TCF4: variants seen among roughly 807,000 people sequenced by gnomAD.
The protein encoded by TCF4 is transcription factor 4.
Under a neutral mutation model 82.1 loss-of-function variants are expected in TCF4, and 3 were observed. The observed-to-expected ratio is 0.04, with a 90% CI of 0.02 to 0.09. The LOEUF is 0.09. Ranked by LOEUF, TCF4 falls within the 10% of genes least tolerant of loss-of-function variation. The pLI is 1.00. For synonymous variants in TCF4, 276 were observed against 309.6 expected (o/e 0.89, Z 1.14); for missense variants, 518 against 852.7 (o/e 0.61, Z 4.89).
chr18:55,595,688 T>C (rs994720709), intron 2 of TCF4, among the ~76,000 whole-genome samples: 1 of 152,192 alleles, frequency 6.6e-6, no homozygotes, highest in Non-Finnish European at 1.5e-5. Flanking sequence ...CCATGGAATT[T>C]TGGTAATTTA....
chr18:55,618,841 C>A (rs758230586), intron 2 of TCF4, among the ~76,000 whole-genome samples: 2 of 151,978 alleles, frequency 1.3e-5, no homozygotes, highest in African/African-American at 4.8e-5. Context: ...CCTGCCTCAA[C>A]TTCCTAAAGT....
At chr18:55,429,773 A>AAAAAC (rs1343262485) in intron 5 of TCF4, among the ~76,000 whole-genome samples, 4 of 150,230 alleles carry the variant, frequency 2.7e-5, no homozygotes, top group African/African-American at 9.8e-5. Flanking sequence ...TCAAAAAAAA[A>AAAAAC]AAAAAAAAAA....
rs573983142 is a variant in TCF4 at position 55,457,029 on chromosome 18, A to G, written c.304+3990T>C. ...CAACTAAGGCAAAATGCAACCTGGC[A>G]TGTATCTACACAATGAAAGCAACGA... On this transcript the variant is annotated intron_variant, in intron 5 of 19. Coordinates refer to ENST00000354452, the MANE Select transcript of TCF4 (RefSeq NM_001083962.2). 4.6e-5 allele frequency among the ~76,000 whole-genome samples: 7 copies of G among 152,304 alleles called. No individual in the cohort carries two copies. The South Asian group carries it at 1.5e-3, about 32-fold the overall frequency.
chr18:55,523,599 A>T (rs1340435014), intron 3 of TCF4, among the ~76,000 whole-genome samples: 1 of 151,950 alleles, frequency 6.6e-6, no homozygotes, highest in Non-Finnish European at 1.5e-5. Flanking sequence ...AATAAGAGGG[A>T]ATTTTTGACT....
chr18:55,272,790 T>C (rs149891170), intron 10 of TCF4, among the ~76,000 whole-genome samples: 1,628 of 152,122 alleles, frequency 0.011, 20 homozygotes, highest in Non-Finnish European at 0.017. Flanking sequence ...TAGCCCCTAG[T>C]TGTAACAATG....
chr18:55,229,175 C>T, intron 17 of TCF4, 99 bp from the exon 18 acceptor site: 1 of 1,375,692 alleles, frequency 7.3e-7, no homozygotes, highest in South Asian at 1.2e-5. Context: ...GGAACTTTTC[C>T]ATCTTATGCC....
chr18:55,531,391 G>C (rs2146726057), intron 3 of TCF4, among the ~76,000 whole-genome samples: 1 of 152,272 alleles, frequency 6.6e-6, no homozygotes, highest in Middle Eastern at 3.4e-3. Context: ...TTGGTATAAA[G>C]AAAGGATCGC....
chr18:55,421,482 T>C (rs961630655), intron 5 of TCF4, among the ~76,000 whole-genome samples: 1 of 152,236 alleles, frequency 6.6e-6, no homozygotes, highest in Non-Finnish European at 1.5e-5. Context: ...AATCTTTATT[T>C]ATGCTGGGCT....
chr18:55,512,701 C>T (rs902694558), intron 3 of TCF4, among the ~76,000 whole-genome samples: 11 of 151,842 alleles, frequency 7.2e-5, no homozygotes, highest in African/African-American at 2.7e-4. Flanking sequence ...AGGCAGAATG[C>T]TGGTAAATAT....
chr18:55,303,034 C>T (rs2068822176), intron 8 of TCF4, among the ~76,000 whole-genome samples: 1 of 152,050 alleles, frequency 6.6e-6, no homozygotes, highest in Non-Finnish European at 1.5e-5. Context: ...TAATGGACTT[C>T]CTTAACTCTT....
chr18:55,414,680 C>A (rs1603451334), intron 5 of TCF4, among the ~76,000 whole-genome samples: 1 of 152,126 alleles, frequency 6.6e-6, no homozygotes, highest in East Asian at 1.9e-4. Context: ...TCCACCCAGG[C>A]AATGGTAGAG....
At chr18:55,237,954 ACT>A (rs2050037015) in intron 15 of TCF4, among the ~76,000 whole-genome samples, 1 of 152,246 alleles carries the variant, frequency 6.6e-6, no homozygotes, top group Non-Finnish European at 1.5e-5. Flanking sequence ...AGATGGAGAA[ACT>A]CACACTGTTC....
intron 8 of TCF4, chr18:55,321,844 C>A: frequency 1.3e-6 from 2 of 1,482,582 alleles, no homozygotes; most frequent in South Asian, 1.3e-5. Context: ...TCCCATATGG[C>A]CGGGCCAAGC....
intron 3 of TCF4, among the ~76,000 whole-genome samples, chr18:55,524,740 A>G (rs751072783): frequency 2.6e-5 from 4 of 152,178 alleles, no homozygotes; most frequent in Non-Finnish European, 4.4e-5. Context: ...TGTGGTGGTC[A>G]TTTGGCAACT....
chr18:55,559,630 T>A (rs2097337571), intron 3 of TCF4, among the ~76,000 whole-genome samples: 1 of 40,516 alleles, frequency 2.5e-5, no homozygotes, highest in East Asian at 7.6e-4. Flanking sequence ...TATCATAGGG[T>A]TTTTTCTTTA....
intron 6 of TCF4, among the ~76,000 whole-genome samples, chr18:55,370,498 T>C (rs1490734609): frequency 6.6e-6 from 1 of 152,028 alleles, no homozygotes; most frequent in Non-Finnish European, 1.5e-5. Flanking sequence ...GACAGATAGA[T>C]GTAACATAGA....
chr18:55,298,361 A>C (rs1412355465), intron 8 of TCF4, among the ~76,000 whole-genome samples: 1 of 152,218 alleles, frequency 6.6e-6, no homozygotes, highest in African/African-American at 2.4e-5. Context: ...AGGGCTGAGA[A>C]GATTCAAAAC....
chr18:55,298,966 C>A (rs569606670), intron 8 of TCF4, among the ~76,000 whole-genome samples: 1 of 152,140 alleles, frequency 6.6e-6, no homozygotes, highest in Non-Finnish European at 1.5e-5. Context: ...CATTTCCCTA[C>A]AATTTAGGTC....
upstream of TCF4, among the ~76,000 whole-genome samples, chr18:55,590,656 T>C (rs1568477326): frequency 6.6e-6 from 1 of 152,246 alleles, no homozygotes; most frequent in African/African-American, 2.4e-5. Context: ...ACCGCTAACC[T>C]AGCCAATGGA....
Sources: allele counts gnomAD v4.1 joint callset (sites outside exome capture counted in the v4.1 genomes callset), GRCh38; gene constraint gnomAD v4.1.1; transcripts MANE v1.5; gene names NCBI Gene and HGNC (gene_info 2026-07-23, HGNC 2026-07-21).